Variants in BMPR1B observed in about 807,000 individuals in gnomAD.
BMPR1B encodes the protein bone morphogenetic protein receptor type 1B.
Under a neutral mutation model 59.1 loss-of-function variants are expected in BMPR1B, and 12 were observed. The ratio of observed to expected loss-of-function variants is 0.20; its 90% CI spans 0.13 to 0.33. The LOEUF (loss-of-function observed/expected upper bound fraction) is 0.33, where lower values mean the gene tolerates loss of function less well. Ranked by LOEUF, BMPR1B falls within the 10% of genes least tolerant of loss-of-function variation. The probability of loss-of-function intolerance (pLI) is 1.00; values close to 1 mark genes in which losing one functional copy is unlikely to be tolerated. For missense variants in BMPR1B, 550 were observed against 610.9 expected, an observed-to-expected ratio of 0.90 and a Z score of 1.05; for synonymous variants, 237 against 207.3, an observed-to-expected ratio of 1.14 and a Z score of -1.23.
At chr4:94,951,568 A>C (rs1289126849) in intron 2 of BMPR1B, among the ~76,000 whole-genome samples, 2 of 151,882 alleles carry the variant, frequency 1.3e-5, no homozygotes, top group Non-Finnish European at 2.9e-5. Context: ...TATGTGATGG[A>C]TTAAGTTTAT....
intron 3 of BMPR1B, among the ~76,000 whole-genome samples, chr4:95,003,487 C>A (rs1401359661): frequency 6.6e-6 from 1 of 151,986 alleles, no homozygotes; most frequent in Non-Finnish European, 1.5e-5. Context: ...TTTAACTTGG[C>A]GTGATTCTAG....
chr4:95,071,614 A>C (rs1728277116), intron 3 of BMPR1B, among the ~76,000 whole-genome samples: 1 of 140,374 alleles, frequency 7.1e-6, no homozygotes, highest in African/African-American at 2.7e-5. Context: ...AGCATAGATT[A>C]TGAATATATA....
intron 3 of BMPR1B, among the ~76,000 whole-genome samples, chr4:95,008,494 T>A (rs79126050): frequency 1.0e-3 from 156 of 152,312 alleles, no homozygotes; most frequent in African/African-American, 3.4e-3. Flanking sequence ...AGATTGTTAC[T>A]ACTCACCTCA....
chr4:95,099,070 GTAGATTA>G (rs1470193182), intron 3 of BMPR1B, among the ~76,000 whole-genome samples: 5 of 152,100 alleles, frequency 3.3e-5, no homozygotes, highest in African/African-American at 9.7e-5. Context: ...TGTGCAGATT[GTAGATTA>G]TAGAATGTAG....
At chr4:94,947,086 A>T (rs966881297) in intron 2 of BMPR1B, among the ~76,000 whole-genome samples, 23 of 152,074 alleles carry the variant, frequency 1.5e-4, no homozygotes, top group African/African-American at 5.1e-4. Flanking sequence ...AAACAAACAA[A>T]CAAGAAAACC....
chr4:95,052,878 T>C (rs968627138), intron 3 of BMPR1B, among the ~76,000 whole-genome samples: 1 of 152,170 alleles, frequency 6.6e-6, no homozygotes, highest in Non-Finnish European at 1.5e-5. Flanking sequence ...GTAGGGAGAA[T>C]AGAAAAACTT....
At chr4:94,976,591 T>C (rs1263175318) in intron 2 of BMPR1B, among the ~76,000 whole-genome samples, 1 of 152,210 alleles carries the variant, frequency 6.6e-6, no homozygotes, top group African/African-American at 2.4e-5. Flanking sequence ...TCCAAATCAA[T>C]TCCAGACACA....
chr4:94,828,689 C>A (rs1191436966), intron 1 of BMPR1B, among the ~76,000 whole-genome samples: 5 of 152,044 alleles, frequency 3.3e-5, no homozygotes, highest in African/African-American at 1.2e-4. Flanking sequence ...CACCCTTGGA[C>A]TCTCATCCTC....
chr4:95,017,751 G>A (rs1004582823), intron 3 of BMPR1B, among the ~76,000 whole-genome samples: 1 of 152,116 alleles, frequency 6.6e-6, no homozygotes, highest in Non-Finnish European at 1.5e-5. Context: ...TACTGCCACT[G>A]GGAAATTTGG....
At chr4:94,804,914 C>T (rs188599903) in intron 1 of BMPR1B, among the ~76,000 whole-genome samples, 2 of 152,086 alleles carry the variant, frequency 1.3e-5, no homozygotes, top group South Asian at 2.1e-4. Context: ...CAGCTTTCTG[C>T]AGATGGAGAG....
chr4:95,078,096 G>T (rs1203170356), intron 3 of BMPR1B, among the ~76,000 whole-genome samples: 1 of 152,136 alleles, frequency 6.6e-6, no homozygotes, highest in Non-Finnish European at 1.5e-5. Context: ...AGTACCAGCA[G>T]GAACCATGAC....
rs563194463 is a variant in BMPR1B at position 94,777,763 on chromosome 4, C to T, written c.-183+19695C>T. On this transcript the variant is annotated intron_variant, in intron 1 of 12. Transcript: ENST00000515059. ...AGTTTTGGCCGGGCGTGGTGTCTCA[C>T]GTCTGTAATCCCAGCACTTTGGGAG... 7.2e-5 allele frequency among the ~76,000 whole-genome samples: 11 copies of T among 152,192 alleles called. 1 individual carries two copies. Among genetic ancestry groups the T allele is most frequent in the Admixed American group, 5.2e-4 (8 of 15,288 alleles).
intron 3 of BMPR1B, among the ~76,000 whole-genome samples, chr4:95,038,662 A>G (rs1202041591): frequency 2.0e-5 from 3 of 152,228 alleles, no homozygotes; most frequent in Admixed American, 2.0e-4. Context: ...ATAAAAAATT[A>G]AAAATACGTT....
At chr4:95,032,740 T>A (rs1724967647) in intron 3 of BMPR1B, among the ~76,000 whole-genome samples, 1 of 152,212 alleles carries the variant, frequency 6.6e-6, no homozygotes, top group African/African-American at 2.4e-5. Flanking sequence ...TGTTGTAGTG[T>A]AGACCACATT....
At chr4:95,017,766 T>C (rs560274602) in intron 3 of BMPR1B, among the ~76,000 whole-genome samples, 14 of 152,330 alleles carry the variant, frequency 9.2e-5, no homozygotes, top group African/African-American at 3.1e-4. Flanking sequence ...ATTTGGGTCT[T>C]GAAATGGCCT....
chr4:94,992,847 G>T (rs1560584330), intron 2 of BMPR1B, among the ~76,000 whole-genome samples: 1 of 151,966 alleles, frequency 6.6e-6, no homozygotes, highest in Non-Finnish European at 1.5e-5. Flanking sequence ...GCCTTTTCCA[G>T]AATGCCATAT....
At chr4:94,760,527 C>A (rs1185778465) in intron 1 of BMPR1B, among the ~76,000 whole-genome samples, 1 of 152,178 alleles carries the variant, frequency 6.6e-6, no homozygotes, top group Non-Finnish European at 1.5e-5. Flanking sequence ...TCTTTCTGAG[C>A]ACTCAAATCG....
intron 3 of BMPR1B, among the ~76,000 whole-genome samples, chr4:95,015,648 A>G (rs1723532287): frequency 6.6e-6 from 1 of 151,964 alleles, no homozygotes; most frequent in South Asian, 2.1e-4. Context: ...CTGACTTCCA[A>G]AAGTGCTGGA....
chr4:95,074,750 G>A (rs1728577226), intron 3 of BMPR1B, among the ~76,000 whole-genome samples: 1 of 151,902 alleles, frequency 6.6e-6, no homozygotes, highest in Admixed American at 6.6e-5. Context: ...TGTTTTTGCT[G>A]CTACTCTAGG....
Sources: allele counts gnomAD v4.1 joint callset (sites outside exome capture counted in the v4.1 genomes callset), GRCh38; gene constraint gnomAD v4.1.1; transcripts MANE v1.5; gene names NCBI Gene and HGNC (gene_info 2026-07-23, HGNC 2026-07-21).